DRC4: variants seen among roughly 807,000 people sequenced by gnomAD.
DRC4 encodes GAS-11.
chr16:90,035,563 G>T, the DRC4 span: 2 of 1,604,332 alleles, frequency 1.2e-6, no homozygotes, highest in African/African-American at 2.7e-5. Flanking sequence ...TGAGGAACAG[G>T]GTCAGCCTGA....
At chr16:90,032,677 TGTG>T in the DRC4 span, 2 of 1,587,060 alleles carry the variant, frequency 1.3e-6, no homozygotes, top group African/African-American at 1.4e-5. Flanking sequence ...GGTGAGGAGG[TGTG>T]GTGCAGGTGA....
chr16:90,036,027 C>G, the DRC4 span: 1 of 930,098 alleles, frequency 1.1e-6, no homozygotes, highest in South Asian at 2.0e-5. Context: ...GCTCCAATTT[C>G]AGAAGTCTCT....
the DRC4 span, among the ~76,000 whole-genome samples, chr16:90,021,857 A>AC: frequency 7.5e-6 from 1 of 132,868 alleles, no homozygotes; most frequent in Non-Finnish European, 1.6e-5. Flanking sequence ...CCCTGTCTCC[A>AC]AAAAAAAAAA....
the DRC4 span, chr16:90,044,634 G>C: frequency 2.1e-6 from 1 of 470,956 alleles, no homozygotes; most frequent in Admixed American, 2.3e-5. Flanking sequence ...CTGGGGAGAG[G>C]ATGAGGCTGC....
At chr16:90,031,050 C>G in the DRC4 span, 7 of 797,198 alleles carry the variant, frequency 8.8e-6, no homozygotes, top group Non-Finnish European at 1.3e-5. Context: ...CATCAATTCT[C>G]AGGAATGGAT....
chr16:90,036,559 C>T, the DRC4 span: 13 of 1,591,188 alleles, frequency 8.2e-6, no homozygotes, highest in South Asian at 1.1e-5. Context: ...TCACCCTCAA[C>T]AACCTGGCCC....
chr16:90,040,202 G>A, the DRC4 span: 7 of 1,174,184 alleles, frequency 6.0e-6, no homozygotes, highest in African/African-American at 4.5e-5. Context: ...GGGAGGCAGC[G>A]TGTTCCAGGC....
At chr16:90,020,458 A>G in the DRC4 span, among the ~76,000 whole-genome samples, 2 of 152,224 alleles carry the variant, frequency 1.3e-5, no homozygotes, top group African/African-American at 4.8e-5. Flanking sequence ...GACATCAGAC[A>G]GAGGGCAGTC....
the DRC4 span, among the ~76,000 whole-genome samples, chr16:90,021,856 CAAAAAA>C: frequency 3.8e-4 from 11 of 28,952 alleles, no homozygotes; most frequent in African/African-American, 1.3e-3. Flanking sequence ...ACCCTGTCTC[CAAAAAA>C]AAAAAAAAAA....
At chr16:90,027,760 C>T in the DRC4 span, 16 of 1,493,970 alleles carry the variant, frequency 1.1e-5, no homozygotes, top group South Asian at 1.2e-4. Flanking sequence ...CCCGGGTGGG[C>T]GTGGGCGGGC....
At chr16:90,043,114 G>A in the DRC4 span, 1 of 1,461,852 alleles carries the variant, frequency 6.8e-7, no homozygotes, top group Non-Finnish European at 9.2e-7. Flanking sequence ...TGCTCACGCT[G>A]CCCCTCCATG....
At chr16:90,032,969 G>A in the DRC4 span, 13 of 1,538,606 alleles carry the variant, frequency 8.4e-6, no homozygotes, top group Admixed American at 3.6e-5. Context: ...TTGTTGGGAC[G>A]GCAAGCCTAG....
At chr16:90,039,858 TGCCAGGATCTGGG>T in the DRC4 span, 1 of 228,988 alleles carries the variant, frequency 4.4e-6, no homozygotes, top group East Asian at 9.2e-5. Flanking sequence ...GCACATGTGA[TGCCAGGATCTGGG>T]GCTGGCCAAG....
At chr16:90,030,691 A>G in the DRC4 span, among the ~76,000 whole-genome samples, 1 of 151,894 alleles carries the variant, frequency 6.6e-6, no homozygotes. Context: ...ATCATAACTA[A>G]CCGCAGCCTC....
the DRC4 span, among the ~76,000 whole-genome samples, chr16:90,025,919 AAAAT>A: frequency 6.6e-6 from 1 of 152,128 alleles, no homozygotes; most frequent in African/African-American, 2.4e-5. Context: ...ATGTTTTTAA[AAAAT>A]AAATAAAATT....
the DRC4 span, chr16:90,035,675 A>G: frequency 6.2e-7 from 1 of 1,614,162 alleles, no homozygotes; most frequent in Non-Finnish European, 8.5e-7. Flanking sequence ...TGATTTTGAG[A>G]GGCAAGTTCG....
the DRC4 span, chr16:90,031,485 G>A: frequency 3.1e-4 from 491 of 1,564,318 alleles, 2 homozygotes; most frequent in African/African-American, 5.8e-3. Flanking sequence ...GAGGCACCAG[G>A]TGGAGATCAA....
the DRC4 span, chr16:90,042,578 G>GC: frequency 6.5e-7 from 1 of 1,545,692 alleles, no homozygotes; most frequent in Non-Finnish European, 8.9e-7. Context: ...CCCCCTCGGT[G>GC]CCCAGACTGT....
At chr16:90,031,621 T>C in the DRC4 span, 1 of 1,068,044 alleles carries the variant, frequency 9.4e-7, no homozygotes, top group Non-Finnish European at 1.3e-6. Context: ...CTTAAAGGTG[T>C]TTTTTATAAA....
Sources: allele counts gnomAD v4.1 joint callset (sites outside exome capture counted in the v4.1 genomes callset), GRCh38; gene constraint gnomAD v4.1.1; transcripts MANE v1.5; gene names NCBI Gene and HGNC (gene_info 2026-07-23, HGNC 2026-07-21).